GLT8D2: variants seen among roughly 807,000 people sequenced by gnomAD.
The protein encoded by GLT8D2 is glycosyltransferase 8 domain-containing protein 2.
In GLT8D2, 45 loss-of-function variants were observed where a neutral mutation model predicts 44.5. The observed-to-expected ratio is 1.01, with a 90% CI of 0.80 to 1.30. GLT8D2 has a LOEUF of 1.30. Ranked by LOEUF, GLT8D2 falls within the 50% of genes most tolerant of loss-of-function variation. The pLI is 0.00. For missense variants in GLT8D2, 400 were observed against 430.4 expected (o/e 0.93, Z 0.62); for synonymous variants, 156 against 157.2 (o/e 0.99, Z 0.06).
intron 1 of GLT8D2, among the ~76,000 whole-genome samples, chr12:104,035,251 G>A (rs574969455): frequency 7.9e-4 from 121 of 152,290 alleles, no homozygotes; most frequent in Non-Finnish European, 1.1e-3. Context: ...AAACCAGAGC[G>A]CCTCTTCTCC....
intron 5 of GLT8D2, among the ~76,000 whole-genome samples, chr12:104,002,312 A>T (rs1874328161): frequency 6.6e-6 from 1 of 152,190 alleles, no homozygotes; most frequent in African/African-American, 2.4e-5. Flanking sequence ...TCTGTGAATT[A>T]TCTGGTTATA....
intron 10 of GLT8D2, among the ~76,000 whole-genome samples, chr12:103,990,735 A>T (rs1030788704): frequency 6.6e-6 from 1 of 152,186 alleles, no homozygotes; most frequent in African/African-American, 2.4e-5. Flanking sequence ...GTTTGAAACT[A>T]TCGCAGCATA....
chr12:103,991,485 G>C (rs971870400), intron 10 of GLT8D2, among the ~76,000 whole-genome samples: 48 of 151,890 alleles, frequency 3.2e-4, no homozygotes, highest in African/African-American at 1.1e-3. Context: ...ATCATGCCTG[G>C]CCTAAGTTGC....
chr12:104,033,786 GTATATA>G (rs1434860144), intron 1 of GLT8D2, among the ~76,000 whole-genome samples: 1 of 130,376 alleles, frequency 7.7e-6, no homozygotes, highest in Non-Finnish European at 1.6e-5. Context: ...GTGTGTGTGT[GTATATA>G]TGTGTGTGTG....
intron 3 of GLT8D2, among the ~76,000 whole-genome samples, chr12:104,015,517 G>A (rs1876467048): frequency 6.6e-6 from 1 of 152,070 alleles, no homozygotes; most frequent in Admixed American, 6.6e-5. Context: ...GAGCCTGGGA[G>A]GTGGAGGCTG....
Position 104,021,927 on chromosome 12 carries a change from GAAGAAGAAGAAGAAGAA to G in GLT8D2, c.-163-453_-163-437del, listed in dbSNP as rs1566202366. On this transcript the variant is annotated intron_variant, in intron 1 of 10. Transcript: ENST00000360814. ...AGAAGAAGAAGAAGAAGAAGAAGAA[GAAGAAGAAGAAGAAGAA>G]GAAGAAGAAGAGGAAGAAGAGGAAG... Among the ~76,000 whole-genome samples the G allele has an allele frequency of 8.9e-3, 232 of 26,062 alleles. 9 individuals are homozygous for G. The highest frequency in any genetic ancestry group is 0.01 in the Non-Finnish European group (145 of 13,992). The allele number at this position is 26,062 out of a possible 152,430, so 17.1% of individuals were successfully genotyped here.
chr12:104,054,613 G>A (rs117238625), upstream of GLT8D2, among the ~76,000 whole-genome samples: 1,742 of 151,946 alleles, frequency 0.011, 14 homozygotes, highest in Non-Finnish European at 0.014. Flanking sequence ...ATAGAAACAC[G>A]ATTTCATATG....
intron 1 of GLT8D2, chr12:104,030,652 A>T: frequency 7.2e-7 from 1 of 1,391,754 alleles, no homozygotes; most frequent in South Asian, 1.3e-5. Flanking sequence ...ATAAGAAGTT[A>T]ATATCCAAAA....
intron 1 of GLT8D2, among the ~76,000 whole-genome samples, chr12:104,023,659 G>A (rs184244820): frequency 3.3e-5 from 5 of 152,100 alleles, no homozygotes; most frequent in Non-Finnish European, 5.9e-5. Flanking sequence ...AACACTCAAA[G>A]AATTCCCTTG....
chr12:104,042,438 G>A (rs965789110), intron 1 of GLT8D2, among the ~76,000 whole-genome samples: 9 of 152,196 alleles, frequency 5.9e-5, no homozygotes, highest in Non-Finnish European at 1.0e-4. Flanking sequence ...ATCAACCCAT[G>A]TGTTTAAGCT....
chr12:103,995,143 A>G (rs1429376717), intron 8 of GLT8D2, among the ~76,000 whole-genome samples: 4 of 152,094 alleles, frequency 2.6e-5, no homozygotes, highest in Non-Finnish European at 4.4e-5. Context: ...TTGCCACTCA[A>G]TGGATTTCTG....
intron 5 of GLT8D2, among the ~76,000 whole-genome samples, chr12:104,001,231 G>A (rs368854821): frequency 3.0e-4 from 45 of 152,256 alleles, no homozygotes; most frequent in African/African-American, 9.9e-4. Context: ...GCCTTCTTTC[G>A]TTAACATCTG....
chr12:104,036,410 A>G (rs907632085), intron 1 of GLT8D2, among the ~76,000 whole-genome samples: 48 of 152,330 alleles, frequency 3.2e-4, no homozygotes, highest in African/African-American at 1.0e-3. Flanking sequence ...TGTATTCAGG[A>G]GACCCATCTC....
chr12:103,999,521 AG>A lies in GLT8D2; in HGVS notation c.285-8del, dbSNP rs1267993854. On this transcript the variant is annotated splice_region_variant and splice_polypyrimidine_tract_variant and intron_variant, in intron 5 of 10. Coordinates refer to ENST00000360814, the MANE Select transcript of GLT8D2 (RefSeq NM_001384711.1). ...GGAATGTTCAATCCATTTTCTAAAAAGATGACCAAAAAAACCTCTAGTATAC... is the reference window on the plus strand; with the variant it reads ...GGAATGTTCAATCCATTTTCTAAAAAATGACCAAAAAAACCTCTAGTATAC... 1.3e-6 allele frequency: 2 copies of A among 1,564,670 alleles called. No homozygotes were observed. Among genetic ancestry groups the A allele is most frequent in the African/African-American group, 1.4e-5 (1 of 73,878 alleles).
At chr12:104,014,296 A>AG in intron 4 of GLT8D2, 1 of 700,836 alleles carries the variant, frequency 1.4e-6, no homozygotes, top group Non-Finnish European at 2.6e-6. Flanking sequence ...TCGAGGCTGC[A>AG]GGGAGCTGCT....
chr12:104,041,338 T>C (rs1423739384), intron 1 of GLT8D2, among the ~76,000 whole-genome samples: 1 of 152,168 alleles, frequency 6.6e-6, no homozygotes, highest in African/African-American at 2.4e-5. Context: ...CGCTTGAACC[T>C]GCGAGACAGA....
intron 1 of GLT8D2, among the ~76,000 whole-genome samples, chr12:104,036,359 G>C (rs1263313126): frequency 1.3e-5 from 2 of 152,124 alleles, no homozygotes; most frequent in Non-Finnish European, 2.9e-5. Context: ...AAAAGACACA[G>C]ACTGGCAAAT....
intron 1 of GLT8D2, among the ~76,000 whole-genome samples, chr12:104,043,193 T>C (rs942315612): frequency 3.9e-5 from 6 of 152,200 alleles, no homozygotes; most frequent in African/African-American, 1.4e-4. Context: ...AATATCTAAA[T>C]GTTGGAACAC....
chr12:104,035,905 AG>A (rs1593563183), intron 1 of GLT8D2, among the ~76,000 whole-genome samples: 2 of 152,358 alleles, frequency 1.3e-5, no homozygotes, highest in East Asian at 3.9e-4. Flanking sequence ...AAAAATGTTA[AG>A]GGCAGCCACA....
Sources: allele counts gnomAD v4.1 joint callset (sites outside exome capture counted in the v4.1 genomes callset), GRCh38; gene constraint gnomAD v4.1.1; transcripts MANE v1.5; gene names NCBI Gene and HGNC (gene_info 2026-07-23, HGNC 2026-07-21).